TNC: variants seen among roughly 807,000 people sequenced by gnomAD.
TNC encodes tenascin.
Under a neutral mutation model 202.4 loss-of-function variants are expected in TNC, and 109 were observed. The ratio of observed to expected loss-of-function variants is 0.54; its 90% CI spans 0.46 to 0.63. The LOEUF is 0.63. Ranked by LOEUF, TNC falls within the 30% of genes least tolerant of loss-of-function variation. The pLI is 0.00. For synonymous variants in TNC, 1,007 were observed against 1,089.7 expected (o/e 0.92, Z 1.50); for missense variants, 2,756 against 2,833.3 (o/e 0.97, Z 0.62).
At chr9:115,026,399 A>G (rs1264497404) in intron 26 of TNC, 135 bp downstream of exon 26, 2 of 950,042 alleles carry the variant, frequency 2.1e-6, no homozygotes, top group Non-Finnish European at 3.1e-6. Flanking sequence ...ATTGGCACTC[A>G]GTAGGTACTT....
At chr9:115,043,671 C>T (rs1365551505) in intron 17 of TNC, among the ~76,000 whole-genome samples, 2 of 152,156 alleles carry the variant, frequency 1.3e-5, no homozygotes, top group East Asian at 3.9e-4. Context: ...TCCCTCTTTC[C>T]TCCATGGGCC....
intron 25 of TNC, among the ~76,000 whole-genome samples, chr9:115,027,345 T>A (rs534499994): frequency 1.1e-4 from 16 of 151,912 alleles, no homozygotes; most frequent in African/African-American, 3.9e-4. Context: ...ATCCCCACAC[T>A]TTGGGAGGCC....
Position 115,081,881 on chromosome 9 carries a change from C to T in TNC, c.2295G>A (p.Glu765=), listed in dbSNP as rs1424953874. Residue 765 remains glutamate (E), a synonymous_variant, in exon 6 of 28, where the codon GAG becomes GAA. Coordinates refer to ENST00000350763, the MANE Select transcript of TNC (RefSeq NM_002160.4). ...GEITKSLRRP[E]TSYRQTGLAP... Reference sequence around the variant, plus strand: ...CTAGACCAGTTTGCCGGTAAGAGGTCTCTGGCCTCCTCAGGCTTTTGGTGA... The same window carrying T: ...CTAGACCAGTTTGCCGGTAAGAGGTTTCTGGCCTCCTCAGGCTTTTGGTGA... 6.3e-7 allele frequency: 1 copy of T among 1,598,678 alleles called. No homozygotes were observed. Among genetic ancestry groups the T allele is most frequent in the Non-Finnish European group, 8.5e-7 (1 of 1,176,276 alleles).
chr9:115,107,404 T>C (rs986137273), intron 1 of TNC, among the ~76,000 whole-genome samples: 29 of 152,334 alleles, frequency 1.9e-4, no homozygotes, highest in Admixed American at 3.3e-4. Flanking sequence ...ATAGTAGTTA[T>C]TCAATAAATG....
chr9:115,081,903 G>A lies in TNC; in HGVS notation c.2273C>T (p.Thr758Ile). The part of the protein sequence containing the change: ...NMNKEDEGEI[T>I]KSLRRPETSY... ...GGTCTCTGGCCTCCTCAGGCTTTTG[G>A]TGATCTCTCCCTCATCTTCTTTATT... The change falls in exon 6 of 28, where the codon ACC becomes ATC. Residue 758 changes from threonine to isoleucine, a missense_variant. This residue lies in a region of TNC where 2,559 missense variants were observed against 2,546.0 expected (regional missense o/e 1.01). Transcript: ENST00000350763. The A allele has an allele frequency of 6.3e-7, 1 of 1,593,342 alleles. No homozygotes were observed. The highest frequency in any genetic ancestry group is 1.4e-5 in the African/African-American group (1 of 73,098).
intron 16 of TNC, 92 bp from the exon 17 acceptor site, chr9:115,046,774 A>G: frequency 7.0e-7 from 1 of 1,435,670 alleles, no homozygotes; most frequent in East Asian, 2.3e-5. Context: ...ATCAATATGT[A>G]GTGATGCCCC....
Position 115,026,597 on chromosome 9 carries a change from A to C in TNC, c.6268T>G (p.Phe2090Val). The C allele has an allele frequency of 1.2e-6, 2 of 1,613,824 alleles. No homozygotes were observed. The highest frequency in any genetic ancestry group is 2.2e-5 in the East Asian group (1 of 44,834). The change falls in exon 26 of 28, where the codon TTC (phenylalanine) becomes GTC (valine). Residue 2090 changes from phenylalanine to valine, a missense_variant. Physicochemically the swap from Phe to Val is conservative, Grantham distance 50. Around this residue, in one of 2 missense-constraint regions of TNC, gnomAD observed 197 missense variants for 287.3 expected, o/e 0.69. Transcript: ENST00000350763. ...GETAFAVYDK[F>V]SVGDAKTRYK... ...CGAGTCTTGGCATCTCCCACGCTGA[A>C]CTTGTCATAGACAGCAAAGGCTGTC...
chr9:115,075,783 C>T (rs1833798270), intron 9 of TNC, among the ~76,000 whole-genome samples: 1 of 151,670 alleles, frequency 6.6e-6, no homozygotes, highest in Admixed American at 6.6e-5. Context: ...TACTCCATCT[C>T]AACAACAACA....
chr9:115,099,398 A>G (rs1455754084), intron 1 of TNC, among the ~76,000 whole-genome samples: 2 of 152,194 alleles, frequency 1.3e-5, no homozygotes, highest in Non-Finnish European at 2.9e-5. Flanking sequence ...TCCAAGAAAC[A>G]TCTGTGCAAT....
chr9:115,090,503 A>G (rs1344930376), intron 2 of TNC, 59 bp downstream of exon 2: 2 of 1,368,856 alleles, frequency 1.5e-6, no homozygotes, highest in Non-Finnish European at 2.0e-6. Context: ...GGATGCTGCT[A>G]TGCTCTTCAT....
intron 4 of TNC, 94 bp downstream of exon 4, chr9:115,084,115 A>T: frequency 2.2e-6 from 3 of 1,351,998 alleles, no homozygotes; most frequent in African/African-American, 1.5e-5. Context: ...TGTAAAGAAC[A>T]ACTATAGGAT....
At position 115,062,924 on chromosome 9, in the gene TNC, G is replaced by A. The variant is rs557438215; in HGVS notation, c.4026C>T (p.Val1342=). The change falls in exon 13 of 28, where the codon GTC becomes GTT. Residue 1342 remains valine (V), a synonymous_variant. Transcript: ENST00000350763. ...GGGAGGAGGGTCATATACCTGTGAC[G>A]ACCTCTACAGCAAGGGGTCGAGTGC... ...GHSTRPLAVE[V]VTEDLPQLGD... 4 of 1,612,606 alleles carry A rather than the reference G, an allele frequency of 2.5e-6. No individual in the cohort carries two copies. Among genetic ancestry groups the A allele is most frequent in the African/African-American group, 2.7e-5 (2 of 74,948 alleles).
At position 115,082,800 on chromosome 9, in the gene TNC, A is replaced by G. The variant is rs367665558; in HGVS notation, c.2139T>C (p.Pro713=). Residue 713 remains proline (P), a synonymous_variant, in exon 5 of 28, where the codon CCT becomes CCC. Coordinates refer to ENST00000350763, the MANE Select transcript of TNC (RefSeq NM_002160.4). ...PVSARVATYL[P]APEGLKFKSI... Reference sequence around the variant, plus strand: ...ACTTGAATTTCAGGCCTTCAGGTGCAGGTAAGTCTGTAAGTAACAACATAA... The same window carrying G: ...ACTTGAATTTCAGGCCTTCAGGTGCGGGTAAGTCTGTAAGTAACAACATAA... 5.6e-6 allele frequency: 9 copies of G among 1,612,280 alleles called. No homozygotes were observed. The highest frequency in any genetic ancestry group is 6.8e-6 in the Non-Finnish European group (8 of 1,178,462).
intron 22 of TNC, among the ~76,000 whole-genome samples, chr9:115,032,734 T>G (rs1830041860): frequency 6.6e-6 from 1 of 152,208 alleles, no homozygotes; most frequent in South Asian, 2.1e-4. Context: ...TAAGCTGACC[T>G]CACATGTCTC....
chr9:115,091,259 T>C lies in TNC; in HGVS notation c.-136-105A>G, dbSNP rs1426825811. The stretch of plus-strand genomic sequence containing the variant: ...GATTTTATATCCCTGTATTTGAAGC[T>C]CTCCTGATAATTTTTCATTATATAC... On this transcript the variant is annotated intron_variant, in intron 1 of 27. Transcript: ENST00000350763. 6 of 507,826 alleles carry C rather than the reference T, an allele frequency of 1.2e-5. No individual in the cohort carries two copies. The East Asian group carries it at 2.0e-4, about 17-fold the overall frequency. 31.5% of individuals were successfully genotyped at this position (507,826 alleles called of 1,614,324 possible). A position where few individuals can be genotyped will look rare whatever the true frequency, so the allele number is the denominator to read the frequency against.
At chr9:115,085,604 G>A (rs1200747614) in intron 3 of TNC, among the ~76,000 whole-genome samples, 1 of 152,190 alleles carries the variant, frequency 6.6e-6, no homozygotes, top group African/African-American at 2.4e-5. Context: ...TACCAGCTCT[G>A]TGATGTGTCA....
chr9:115,086,513 G>T lies in TNC; in HGVS notation c.1218C>A (p.Leu406=). The T allele has an allele frequency of 6.2e-7, 1 of 1,613,614 alleles. No homozygotes were observed. Residue 406 remains leucine (L), a synonymous_variant, in exon 3 of 28, where the codon CTC becomes CTA. Coordinates refer to ENST00000350763, the MANE Select transcript of TNC (RefSeq NM_002160.4). ...GGCCACTGCAGCCATTGGGACACTTGAGCTCCCCACAGTCAGCTCCAGTGA... is the reference window on the plus strand; with the variant it reads ...GGCCACTGCAGCCATTGGGACACTTTAGCTCCCCACAGTCAGCTCCAGTGA... ...DGFTGADCGE[L]KCPNGCSGHG... is the part of the protein sequence containing the mutation.
intron 15 of TNC, among the ~76,000 whole-genome samples, chr9:115,053,334 C>T (rs7030164): frequency 0.79 from 119,608 of 152,208 alleles, 47,588 homozygotes; most frequent in African/African-American, 0.92. Flanking sequence ...ATTGGAGTAA[C>T]GTGAAGGGTA....
chr9:115,112,356 A>T (rs1837141430), intron 1 of TNC, among the ~76,000 whole-genome samples: 1 of 152,194 alleles, frequency 6.6e-6, no homozygotes, highest in South Asian at 2.1e-4. Flanking sequence ...TTTTTTCTGC[A>T]CAGAGCCCTT....
Sources: allele counts gnomAD v4.1 joint callset (sites outside exome capture counted in the v4.1 genomes callset), GRCh38; gene constraint gnomAD v4.1.1; regional missense constraint gnomAD v4.1.1; transcripts MANE v1.5; gene names NCBI Gene and HGNC (gene_info 2026-07-23, HGNC 2026-07-21).